The following PLEKHA7 variants were observed in gnomAD, a reference collection of about 807,000 sequenced individuals.
The protein encoded by PLEKHA7 is pleckstrin homology domain containing A7, also known as pleckstrin homology domain-containing family A member 7.
Under a neutral mutation model 170.0 loss-of-function variants are expected in PLEKHA7, and 104 were observed. The observed-to-expected ratio is 0.61, with a 90% CI of 0.52 to 0.72. The LOEUF (loss-of-function observed/expected upper bound fraction) is 0.72. Ranked by LOEUF, PLEKHA7 falls within the 30% of genes least tolerant of loss-of-function variation. The pLI, the probability that PLEKHA7 is intolerant of heterozygous loss-of-function variation, is 0.00. For missense variants in PLEKHA7, 1,615 were observed against 1,671.7 expected (o/e 0.97, Z 0.59); for synonymous variants, 648 against 660.8 (o/e 0.98, Z 0.30).
chr11:16,829,055 T>G (rs1209137710), intron 9 of PLEKHA7, among the ~76,000 whole-genome samples: 1 of 151,830 alleles, frequency 6.6e-6, no homozygotes. Context: ...CAGGCTGGAG[T>G]GCGGTGGCAA....
At chr11:16,916,300 T>C (rs1290909637) in intron 3 of PLEKHA7, among the ~76,000 whole-genome samples, 2 of 152,280 alleles carry the variant, frequency 1.3e-5, no homozygotes, top group Non-Finnish European at 2.9e-5. Flanking sequence ...TTCTCCCATT[T>C]TGTAGGTTGC....
intron 6 of PLEKHA7, among the ~76,000 whole-genome samples, chr11:16,853,575 A>T (rs1227773106): frequency 1.3e-5 from 2 of 152,166 alleles, no homozygotes; most frequent in Non-Finnish European, 2.9e-5. Context: ...CAGCACAGCC[A>T]ATGGGCCTGG....
intron 10 of PLEKHA7, among the ~76,000 whole-genome samples, chr11:16,819,829 T>TCAAAGGATG (rs1425038942): frequency 2.0e-5 from 3 of 152,296 alleles, no homozygotes; most frequent in Admixed American, 2.0e-4. Flanking sequence ...GAGCTGTTGG[T>TCAAAGGATG]CAAAGGATGC....
At chr11:16,780,525 C>T (rs760321544) in intron 26 of PLEKHA7, among the ~76,000 whole-genome samples, 11 of 152,236 alleles carry the variant, frequency 7.2e-5, no homozygotes, top group Non-Finnish European at 1.3e-4. Flanking sequence ...TGGACTTTTC[C>T]CAATCTTACA....
In PLEKHA7 at chr11:16,974,626, GTTTTTTTTTTT is replaced by G. The variant is rs397965149; in HGVS notation, c.221+39352_221+39362del. The G allele has an allele frequency of 3.5e-4, 53 of 149,742 alleles. 21 individuals carry two copies. In the Admixed American group the frequency reaches 8.8e-3, roughly 25 times the overall value. The allele number at this position is 149,742 out of a possible 1,614,324, so 9.3% of individuals were successfully genotyped here. ...TACAGACCTCACAGAGATTTCACAG[GTTTTTTTTTTT>G]TTTTTTTTTGAACATAAACTCAAGA... On this transcript the variant is annotated intron_variant, in intron 3 of 26. Coordinates refer to ENST00000531066, the MANE Select transcript of PLEKHA7 (RefSeq NM_001329630.2).
intron 3 of PLEKHA7, among the ~76,000 whole-genome samples, chr11:16,957,205 T>C (rs1226012523): frequency 6.6e-6 from 1 of 152,204 alleles, no homozygotes; most frequent in African/African-American, 2.4e-5. Context: ...CTTGTTAATC[T>C]GAGATACAAA....
chr11:16,941,031 C>A (rs1231664749), intron 3 of PLEKHA7, among the ~76,000 whole-genome samples: 2 of 152,128 alleles, frequency 1.3e-5, no homozygotes, highest in Non-Finnish European at 2.9e-5. Context: ...TCCAACTCAA[C>A]CCTAGCACTT....
chr11:16,782,062 C>T (rs950141732), intron 26 of PLEKHA7, among the ~76,000 whole-genome samples: 24 of 151,936 alleles, frequency 1.6e-4, no homozygotes, highest in Admixed American at 1.3e-4. Context: ...GAAAGAGCAG[C>T]CCTTTTATAC....
chr11:16,811,505 G>C (rs56121919), intron 13 of PLEKHA7, among the ~76,000 whole-genome samples: 39,428 of 152,034 alleles, frequency 0.26, 5,702 homozygotes, highest in East Asian at 0.37. Flanking sequence ...GGGGGCTGCT[G>C]GATCTCTCTC....
In PLEKHA7 at chr11:16,817,019, G is replaced by A. The variant is rs1021999702; in HGVS notation, c.1647C>T (p.Thr549=). 1.0e-5 allele frequency: 16 copies of A among 1,603,302 alleles called. No homozygotes were observed. Among genetic ancestry groups the A allele is most frequent in the South Asian group, 3.4e-5 (3 of 89,268 alleles). ...APICLGSPEF[T]DQGRSRSMLE... ...GCATGCTCCTGCTCCGGCCCTGGTC[G>A]GTGAACTCTGGGGAGCCAAGGCAGA... The change falls in exon 11 of 27, where the codon ACC becomes ACT. Residue 549 remains threonine, a synonymous_variant. Coordinates refer to ENST00000531066, the MANE Select transcript of PLEKHA7 (RefSeq NM_001329630.2). The surrounding 1 kb of genome is among the most constrained non-coding windows in gnomAD (Gnocchi z 4.4).
chr11:16,916,350 C>G (rs537180081), intron 3 of PLEKHA7, among the ~76,000 whole-genome samples: 4 of 152,244 alleles, frequency 2.6e-5, no homozygotes, highest in Non-Finnish European at 4.4e-5. Context: ...TGTGCAGAAG[C>G]GCCAAGTGGA....
Position 16,817,134 on chromosome 11 carries a change from T to TCTTCA in PLEKHA7, c.1527_1531dup (p.Glu511ValfsTer50). 1 of 1,614,180 alleles carries TCTTCA rather than the reference T, an allele frequency of 6.2e-7. No homozygotes were observed. Among genetic ancestry groups the TCTTCA allele is most frequent in the Non-Finnish European group, 8.5e-7 (1 of 1,180,032 alleles). ...GGTGCCATCCCGGTGCGCCCGGCGC[T>TCTTCA]CTTCACTCGACATCTTCAGGTGGCT... On this transcript the variant is annotated frameshift_variant, in exon 11 of 27. Coordinates refer to ENST00000531066, the MANE Select transcript of PLEKHA7 (RefSeq NM_001329630.2). LOFTEE classifies it high-confidence loss of function. The surrounding 1 kb of genome is among the most constrained non-coding windows in gnomAD (Gnocchi z 4.4).
chr11:16,976,501 G>A (rs1350784692), intron 3 of PLEKHA7, among the ~76,000 whole-genome samples: 3 of 152,218 alleles, frequency 2.0e-5, no homozygotes, highest in African/African-American at 7.2e-5. Flanking sequence ...GGGCCAGAAT[G>A]CTGACAAGCA....
intron 3 of PLEKHA7, among the ~76,000 whole-genome samples, chr11:16,930,140 C>G (rs1859828612): frequency 6.6e-6 from 1 of 152,164 alleles, no homozygotes; most frequent in African/African-American, 2.4e-5. Context: ...TTCCAAGAAC[C>G]TAGAGGGCTC....
chr11:16,887,539 G>A (rs1379635654), intron 3 of PLEKHA7, among the ~76,000 whole-genome samples: 8 of 152,328 alleles, frequency 5.3e-5, no homozygotes, highest in South Asian at 2.1e-4. Flanking sequence ...GATTGCAGGC[G>A]CGCACCACCA....
At position 16,813,339 on chromosome 11, in the gene PLEKHA7, C is replaced by A. The variant is rs1027242207; in HGVS notation, c.1954-173G>T. 20 of 503,964 alleles carry A rather than the reference C, an allele frequency of 4.0e-5. No individual in the cohort carries two copies. In the Admixed American group the frequency reaches 4.8e-4, roughly 12 times the overall value. 31.2% of individuals were successfully genotyped at this position (503,964 alleles called of 1,614,324 possible). On this transcript the variant is annotated intron_variant, in intron 12 of 26. Transcript: ENST00000531066. ...ACAAATGTCTCGGTGCAGCTGAGAG[C>A]CGTCTTTCAGCAGGGCGGATCTTGC...
intron 24 of PLEKHA7, among the ~76,000 whole-genome samples, chr11:16,785,970 C>T (rs985710047): frequency 6.6e-6 from 1 of 152,222 alleles, no homozygotes; most frequent in Non-Finnish European, 1.5e-5. Flanking sequence ...TCTTCACAAC[C>T]CACTTCACTG....
intron 3 of PLEKHA7, among the ~76,000 whole-genome samples, chr11:16,893,681 T>C (rs1856819209): frequency 6.6e-6 from 1 of 152,152 alleles, no homozygotes; most frequent in African/African-American, 2.4e-5. Flanking sequence ...TATGAGCTCA[T>C]TTGCAGGTGT....
intron 3 of PLEKHA7, among the ~76,000 whole-genome samples, chr11:17,009,822 C>T (rs1865217607): frequency 6.6e-6 from 1 of 151,882 alleles, no homozygotes; most frequent in Non-Finnish European, 1.5e-5. Flanking sequence ...ACAGATGAGG[C>T]CTCTCCGTGT....
Sources: allele counts gnomAD v4.1 joint callset (sites outside exome capture counted in the v4.1 genomes callset), GRCh38; gene constraint gnomAD v4.1.1; non-coding constraint Gnocchi (gnomAD v3.1); transcripts MANE v1.5; gene names NCBI Gene and HGNC (gene_info 2026-07-23, HGNC 2026-07-21).